TNRC18: variants seen among roughly 807,000 people sequenced by gnomAD.
The protein encoded by TNRC18 is trinucleotide repeat-containing gene 18 protein.
Under a neutral mutation model 226.7 loss-of-function variants are expected in TNRC18, and 69 were observed. The ratio of observed to expected loss-of-function variants is 0.30; its 90% CI spans 0.25 to 0.37. The LOEUF (loss-of-function observed/expected upper bound fraction) is 0.37. Ranked by LOEUF, TNRC18 falls within the 10% of genes least tolerant of loss-of-function variation. TNRC18 has a pLI of 1.00. For synonymous variants in TNRC18, 2,449 were observed against 1,927.6 expected (o/e 1.27, Z -7.09); for missense variants, 4,754 against 4,256.6 (o/e 1.12, Z -3.25).
At chr7:5,375,330 A>G (rs1386323892) in intron 9 of TNRC18, among the ~76,000 whole-genome samples, 1 of 151,814 alleles carries the variant, frequency 6.6e-6, no homozygotes, top group East Asian at 1.9e-4. Flanking sequence ...AAAAACAAAC[A>G]AACAAACAAA....
chr7:5,380,537 G>A (rs1028889756), intron 5 of TNRC18, among the ~76,000 whole-genome samples: 2 of 152,238 alleles, frequency 1.3e-5, no homozygotes, highest in Non-Finnish European at 2.9e-5. Context: ...CTGCAGGACC[G>A]AGTGTACGGA....
chr7:5,314,372 G>C (rs1419843554), intron 26 of TNRC18, among the ~76,000 whole-genome samples: 2 of 152,018 alleles, frequency 1.3e-5, no homozygotes, highest in East Asian at 3.9e-4. Flanking sequence ...ACCTTAAGTT[G>C]TGTTGGCCCC....
intron 5 of TNRC18, among the ~76,000 whole-genome samples, chr7:5,383,734 G>A (rs1279542784): frequency 1.3e-5 from 2 of 152,114 alleles, no homozygotes; most frequent in Non-Finnish European, 2.9e-5. Context: ...ACTGCCCAGA[G>A]AGAAATGACC....
At chr7:5,416,359 G>A (rs1262382321) in intron 2 of TNRC18, among the ~76,000 whole-genome samples, 1 of 152,024 alleles carries the variant, frequency 6.6e-6, no homozygotes, top group Non-Finnish European at 1.5e-5. Context: ...AGCTTGCAGT[G>A]AGCCGAGATG....
At chr7:5,322,530 G>T (rs943605036) in intron 21 of TNRC18, among the ~76,000 whole-genome samples, 5 of 152,148 alleles carry the variant, frequency 3.3e-5, no homozygotes, top group African/African-American at 1.2e-4. Flanking sequence ...GGTCTCAAGT[G>T]ATCCTCCCAC....
rs1025158646 is a variant in TNRC18 at position 5,394,530 on chromosome 7, G to A, written c.253C>T (p.Pro85Ser). ...MGPSASSHGS[P>S]VPLPSDLSFR... ...GACAGGTCAGAGGGCAGTGGCACTG[G>A]GCTCCCATGGGACGAGGCCGAGGGC... Residue 85 changes from proline (P) to serine (S), a missense_variant, in exon 3 of 30, where the codon CCA becomes TCA. Pro to Ser is a moderately conservative substitution (Grantham distance 74). Transcript: ENST00000430969. This position sits in a 1 kb window ranked among gnomAD's most constrained non-coding sequence, Gnocchi z 4.5. 30 of 1,553,104 alleles carry A rather than the reference G, an allele frequency of 1.9e-5. No homozygotes were observed. Among genetic ancestry groups the A allele is most frequent in the Non-Finnish European group, 2.4e-5 (28 of 1,150,774 alleles).
At chr7:5,325,324 A>G in intron 19 of TNRC18, 76 bp from the exon 20 acceptor site, 2 of 1,491,172 alleles carry the variant, frequency 1.3e-6, no homozygotes, top group Non-Finnish European at 1.8e-6. Flanking sequence ...CCCCTCACTC[A>G]CTCACCCCCA....
In TNRC18 at chr7:5,318,321, C is replaced by T. The variant is rs556532047; in HGVS notation, c.6745+1997G>A. On this transcript the variant is annotated intron_variant, in intron 24 of 29. Transcript: ENST00000430969. ...GACGTGAGCCACCGCAGCTGGTGGA[C>T]AATTTTTTTAAATGACAGCAGAAAA... 4.6e-5 allele frequency among the ~76,000 whole-genome samples: 7 copies of T among 152,072 alleles called. No homozygotes were observed. In the East Asian group the frequency reaches 1.2e-3, roughly 25 times the overall value.
intron 17 of TNRC18, among the ~76,000 whole-genome samples, chr7:5,350,903 T>C (rs1791732746): frequency 6.6e-6 from 1 of 151,996 alleles, no homozygotes; most frequent in Non-Finnish European, 1.5e-5. Flanking sequence ...AGACCAGGGG[T>C]GTCAAAGGCT....
chr7:5,390,430 C>G (rs771936689), intron 4 of TNRC18, 55 bp downstream of exon 4: 5 of 1,606,454 alleles, frequency 3.1e-6, no homozygotes, highest in Non-Finnish European at 4.3e-6. Flanking sequence ...CCAAAGGCCC[C>G]AGAAGCCTCT....
chr7:5,344,961 T>C, intron 18 of TNRC18, among the ~76,000 whole-genome samples: 1 of 152,090 alleles, frequency 6.6e-6, no homozygotes, highest in East Asian at 1.9e-4. Flanking sequence ...CCTGCTGCCT[T>C]GGTTTACCTA....
intron 11 of TNRC18, among the ~76,000 whole-genome samples, chr7:5,364,996 C>T (rs1327899284): frequency 6.6e-6 from 1 of 150,666 alleles, no homozygotes; most frequent in Non-Finnish European, 1.5e-5. Context: ...AATGGCCAAA[C>T]GTGCAAAGGA....
At chr7:5,316,808 A>G (rs759992707) in intron 24 of TNRC18, among the ~76,000 whole-genome samples, 4 of 152,108 alleles carry the variant, frequency 2.6e-5, no homozygotes, top group Non-Finnish European at 5.9e-5. Context: ...TCCTAGGAGG[A>G]GGTGATACCC....
chr7:5,387,014 C>T (rs1247688821), intron 5 of TNRC18, among the ~76,000 whole-genome samples: 2 of 152,108 alleles, frequency 1.3e-5, no homozygotes, highest in African/African-American at 2.4e-5. Context: ...GCGGAGGTTG[C>T]GGTGAGCTGA....
In TNRC18 at chr7:5,358,261, C is replaced by T. The variant is rs114139692; in HGVS notation, c.4834-985G>A. Among the ~76,000 whole-genome samples the T allele has an allele frequency of 2.6e-3, 396 of 152,288 alleles. 4 individuals are homozygous for T. The highest frequency in any genetic ancestry group is 0.014 in the Middle Eastern group (4 of 294). On this transcript the variant is annotated intron_variant, in intron 15 of 29. Coordinates refer to ENST00000430969, the MANE Select transcript of TNRC18 (RefSeq NM_001080495.3). ...ATTAAATTCCTGCCTGCATGTCTAT[C>T]GTCAGCTGTAGTCATTTGTTGAAGC... is the stretch of plus-strand genomic sequence containing the variant.
rs774792058 is a variant in TNRC18, at chr7:5,361,578, G to A, written c.4661+16C>T. On this transcript the variant is annotated intron_variant, in intron 14 of 29. Transcript: ENST00000430969. ...GCTGTGTGCCAGTCCCCGACCCACC[G>A]AGGGGCCAGCCTTACTTTCCGCTAC... 26 of 1,496,370 alleles carry A rather than the reference G, an allele frequency of 1.7e-5. No homozygotes were observed. Among genetic ancestry groups the A allele is most frequent in the Admixed American group, 8.8e-5 (4 of 45,572 alleles). The allele number at this position is 1,496,370 out of a possible 1,614,324, so 92.7% of individuals were successfully genotyped here. A position where few individuals can be genotyped will look rare whatever the true frequency, so the allele number is the denominator to read the frequency against.
At chr7:5,386,726 G>C (rs1584017516) in intron 5 of TNRC18, among the ~76,000 whole-genome samples, 1 of 151,976 alleles carries the variant, frequency 6.6e-6, no homozygotes, top group South Asian at 2.1e-4. Context: ...CTCCACCCTG[G>C]GTAACAGAGC....
At chr7:5,403,936 G>A (rs1035539732) in intron 2 of TNRC18, among the ~76,000 whole-genome samples, 11 of 152,148 alleles carry the variant, frequency 7.2e-5, no homozygotes, top group Admixed American at 2.6e-4. Flanking sequence ...TTCCGAGATA[G>A]CAGCTAAAAA....
chr7:5,398,994 G>A (rs1038957008), intron 2 of TNRC18, among the ~76,000 whole-genome samples: 1 of 152,090 alleles, frequency 6.6e-6, no homozygotes, highest in African/African-American at 2.4e-5. Flanking sequence ...GAGGATCAAG[G>A]CATCCCGCAA....
Sources: allele counts gnomAD v4.1 joint callset (sites outside exome capture counted in the v4.1 genomes callset), GRCh38; gene constraint gnomAD v4.1.1; non-coding constraint Gnocchi (gnomAD v3.1); transcripts MANE v1.5; gene names NCBI Gene and HGNC (gene_info 2026-07-23, HGNC 2026-07-21).